Variants in GSE1 observed in about 807,000 individuals in gnomAD.
GSE1 encodes genetic suppressor element 1.
A neutral mutation model predicts 112.6 loss-of-function variants in GSE1; 32 were observed. The observed-to-expected ratio is 0.28, with a 90% CI of 0.21 to 0.38. The LOEUF (loss-of-function observed/expected upper bound fraction) is 0.38. GSE1 is among the 10% of genes least tolerant of loss of function. GSE1 has a pLI of 1.00. For missense variants in GSE1, 2,348 were observed against 1,699.2 expected (o/e 1.38, Z -6.71); for synonymous variants, 1,115 against 735.6 (o/e 1.52, Z -8.35).
intron 2 of GSE1, among the ~76,000 whole-genome samples, chr16:85,520,916 A>G (rs140968986): frequency 0.017 from 2,515 of 152,144 alleles, 22 homozygotes; most frequent in Non-Finnish European, 0.024. Context: ...CCCGCCCGCC[A>G]CCCTCTGACA....
At chr16:85,358,850 A>G (rs2151574735) in intron 2 of GSE1, among the ~76,000 whole-genome samples, 1 of 152,296 alleles carries the variant, frequency 6.6e-6, no homozygotes, top group East Asian at 1.9e-4. Context: ...GCCTTGAGCC[A>G]GCTAATCAGA....
intron 1 of GSE1, among the ~76,000 whole-genome samples, chr16:85,587,834 C>G (rs1345803254): frequency 6.6e-6 from 1 of 152,130 alleles, no homozygotes; most frequent in Non-Finnish European, 1.5e-5. Flanking sequence ...CTTCCCGGAC[C>G]CTTGGGCCCC....
intron 2 of GSE1, among the ~76,000 whole-genome samples, chr16:85,540,707 C>T (rs1035262557): frequency 2.0e-5 from 3 of 152,070 alleles, no homozygotes; most frequent in African/African-American, 4.8e-5. Context: ...TTGAGCCCAG[C>T]AGTTTGAGAC....
chr16:85,517,024 C>T (rs1369827144), intron 2 of GSE1, among the ~76,000 whole-genome samples: 1 of 152,186 alleles, frequency 6.6e-6, no homozygotes, highest in Non-Finnish European at 1.5e-5. Flanking sequence ...GTCTCGATCT[C>T]CTGATCTCAT....
rs1171285500 is a variant in GSE1, at chr16:85,654,311, G to C, written c.460G>C (p.Glu154Gln). 6.2e-7 allele frequency: 1 copy of C among 1,608,596 alleles called. No homozygotes were observed. Among genetic ancestry groups the C allele is most frequent in the Non-Finnish European group, 8.5e-7 (1 of 1,178,500 alleles). Residue 154 changes from glutamate (E) to glutamine (Q), a missense_variant, in exon 4 of 16, where the codon GAA becomes CAA. Physicochemically the swap from Glu to Gln is conservative, Grantham distance 29. Transcript: ENST00000253458. ...AGSRSSSGGR[E>Q]RLIVEPPLPQ... ...CTCCAGGAGCAGCAGTGGAGGTCGG[G>C]AACGCCTCATTGTGGAGCCCCCGCT... is the stretch of plus-strand genomic sequence containing the variant.
chr16:85,501,776 G>A (rs918150063), intron 2 of GSE1, among the ~76,000 whole-genome samples: 1 of 152,224 alleles, frequency 6.6e-6, no homozygotes, highest in Non-Finnish European at 1.5e-5. Context: ...TCAGGCTGCT[G>A]CCCACAGAGG....
chr16:85,664,352 A>T (rs2052665556), intron 11 of GSE1, among the ~76,000 whole-genome samples: 1 of 152,208 alleles, frequency 6.6e-6, no homozygotes, highest in Admixed American at 6.5e-5. Context: ...AGCAGCTTCA[A>T]GGTGTTGATC....
At chr16:85,462,710 AGGC>A (rs2050004029) in intron 2 of GSE1, among the ~76,000 whole-genome samples, 1 of 7,450 alleles carries the variant, frequency 1.3e-4, no homozygotes, top group East Asian at 5.6e-3. Flanking sequence ...CGCGGGAGGG[AGGC>A]GGGAGGCGGG....
At chr16:85,464,997 G>A (rs2050084743) in intron 2 of GSE1, among the ~76,000 whole-genome samples, 1 of 152,214 alleles carries the variant, frequency 6.6e-6, no homozygotes, top group Non-Finnish European at 1.5e-5. Context: ...GAAACAGTGT[G>A]CTCGTTTTTC....
At chr16:85,662,816 G>C (rs1180938465) in intron 9 of GSE1, 165 bp from the exon 10 acceptor site, 4 of 604,820 alleles carry the variant, frequency 6.6e-6, no homozygotes, top group Non-Finnish European at 1.2e-5. Flanking sequence ...CCAGGACTGG[G>C]TTAATGTTGG....
chr16:85,597,797 C>G (rs2047297294), intron 1 of GSE1, among the ~76,000 whole-genome samples: 2 of 152,140 alleles, frequency 1.3e-5, no homozygotes, highest in African/African-American at 4.8e-5. Context: ...AAAAGATGGG[C>G]CAGCCTCAGC....
chr16:85,520,909 G>C (rs750054957), intron 2 of GSE1, among the ~76,000 whole-genome samples: 1 of 152,120 alleles, frequency 6.6e-6, no homozygotes, highest in Non-Finnish European at 1.5e-5. Context: ...GCCTGGTCCC[G>C]CCCGCCACCC....
chr16:85,455,298 C>T (rs938735498), intron 2 of GSE1, among the ~76,000 whole-genome samples: 1 of 151,984 alleles, frequency 6.6e-6, no homozygotes, highest in African/African-American at 2.4e-5. Flanking sequence ...GCGGGAGGAT[C>T]GCTTGAGTTT....
intron 2 of GSE1, among the ~76,000 whole-genome samples, chr16:85,635,604 C>G (rs145960692): frequency 1.3e-5 from 2 of 152,152 alleles, no homozygotes; most frequent in African/African-American, 4.8e-5. Flanking sequence ...TGGAGAGAAG[C>G]GAGGTCAGAG....
chr16:85,539,626 G>A (rs749961200), intron 2 of GSE1, among the ~76,000 whole-genome samples: 1 of 152,180 alleles, frequency 6.6e-6, no homozygotes, highest in African/African-American at 2.4e-5. Flanking sequence ...TCCACTGTTG[G>A]AGGCCGTTCT....
chr16:85,196,428 A>G (rs769814567), intron 1 of GSE1, among the ~76,000 whole-genome samples: 2 of 152,124 alleles, frequency 1.3e-5, no homozygotes, highest in Non-Finnish European at 2.9e-5. Flanking sequence ...ATTGGCGTCA[A>G]GTTCACGTGT....
chr16:85,436,263 G>A (rs79147038), intron 2 of GSE1, among the ~76,000 whole-genome samples: 1,734 of 152,268 alleles, frequency 0.011, 30 homozygotes, highest in African/African-American at 0.04. Flanking sequence ...GTATCAGAGC[G>A]CAGGAGTCCT....
intron 1 of GSE1, among the ~76,000 whole-genome samples, chr16:85,200,026 A>C (rs549385861): frequency 5.3e-4 from 81 of 152,262 alleles, no homozygotes; most frequent in African/African-American, 1.9e-3. Context: ...CATAAATAAA[A>C]ATAGCTGTGG....
At chr16:85,668,485 T>G in intron 14 of GSE1, 61 bp downstream of exon 14, 2 of 1,162,318 alleles carry the variant, frequency 1.7e-6, no homozygotes, top group Admixed American at 3.7e-5. Context: ...GAAAGGAAGC[T>G]GAGTGATGAG....
Sources: gnomAD v4.1 joint callset for allele counts (sites outside exome capture counted in the v4.1 genomes callset) on GRCh38, gnomAD v4.1.1 for gene constraint, MANE v1.5 for transcripts, NCBI Gene and HGNC (gene_info 2026-07-23, HGNC 2026-07-21) for gene names.